Variants in CSMD1 observed in about 807,000 individuals in gnomAD.
CSMD1 encodes CUB and Sushi multiple domains 1.
In CSMD1, 213 loss-of-function variants were observed where a neutral mutation model predicts 417.5. The ratio of observed to expected loss-of-function variants is 0.51; its 90% CI spans 0.46 to 0.57. CSMD1 has a LOEUF of 0.57. CSMD1 is among the 20% of genes least tolerant of loss of function. The probability of loss-of-function intolerance (pLI) is 0.00; values close to 1 mark genes in which losing one functional copy is unlikely to be tolerated. For missense variants in CSMD1, 6,923 were observed against 4,529.7 expected (o/e 1.53, Z -15.17); for synonymous variants, 2,862 against 1,736.8 (o/e 1.65, Z -16.11).
chr8:4,153,990 C>T (rs1322976327), intron 3 of CSMD1, among the ~76,000 whole-genome samples: 1 of 152,246 alleles, frequency 6.6e-6, no homozygotes, highest in East Asian at 1.9e-4. Flanking sequence ...AGGCAGAATC[C>T]AATGATAGCT....
chr8:3,208,410 G>C (rs1368758742), intron 30 of CSMD1, among the ~76,000 whole-genome samples: 1 of 152,046 alleles, frequency 6.6e-6, no homozygotes, highest in Non-Finnish European at 1.5e-5. Context: ...GGGACTACAG[G>C]TGCACACCAC....
chr8:4,098,268 T>C (rs1437109002), intron 3 of CSMD1, among the ~76,000 whole-genome samples: 3 of 152,182 alleles, frequency 2.0e-5, no homozygotes, highest in East Asian at 1.9e-4. Flanking sequence ...TCAGATGTAA[T>C]GGCATCAGAA....
chr8:4,421,821 G>C (rs1037231589), intron 2 of CSMD1, among the ~76,000 whole-genome samples: 2 of 151,298 alleles, frequency 1.3e-5, no homozygotes, highest in African/African-American at 2.4e-5. Context: ...CAAAAAACAA[G>C]AAAAGTACAG....
At chr8:4,076,266 G>A (rs1179307665) in intron 3 of CSMD1, among the ~76,000 whole-genome samples, 2 of 152,170 alleles carry the variant, frequency 1.3e-5, no homozygotes, top group Admixed American at 1.3e-4. Context: ...ACTATGTGAA[G>A]AAGAATATGT....
intron 1 of CSMD1, among the ~76,000 whole-genome samples, chr8:4,723,922 C>T (rs997724680): frequency 2.0e-5 from 3 of 151,920 alleles, no homozygotes; most frequent in African/African-American, 7.3e-5. Flanking sequence ...CAGATCTCTT[C>T]AAAACATACT....
chr8:4,069,741 G>C (rs376802332), intron 3 of CSMD1, among the ~76,000 whole-genome samples: 6 of 152,198 alleles, frequency 3.9e-5, no homozygotes, highest in African/African-American at 1.2e-4. Context: ...TTGAGTTTAG[G>C]AATGCTGTCT....
Position 2,975,877 on chromosome 8 carries a change from A to G in CSMD1, c.8567-1253T>C, listed in dbSNP as rs537798019. Among the ~76,000 whole-genome samples, 5 of 152,198 alleles carry G rather than the reference A, an allele frequency of 3.3e-5. No individual in the cohort carries two copies. The South Asian group carries it at 1.0e-3, about 32-fold the overall frequency. ...ACCCCGGAAAAGGAGAGCCAGCTAA[A>G]CCCCAGCTCCTGGAGACTTGAGGAA... On this transcript the variant is annotated intron_variant, in intron 55 of 69. Transcript: ENST00000635120.
chr8:3,361,651 C>CAAAAAAAAAA (rs765648287), intron 20 of CSMD1, among the ~76,000 whole-genome samples: 21 of 79,174 alleles, frequency 2.7e-4, no homozygotes, highest in South Asian at 5.8e-4. Context: ...GATTCCATCT[C>CAAAAAAAAAA]AAAAAAAAAA....
intron 2 of CSMD1, among the ~76,000 whole-genome samples, chr8:4,542,531 T>A (rs1428849443): frequency 6.6e-6 from 1 of 152,210 alleles, no homozygotes; most frequent in Non-Finnish European, 1.5e-5. Flanking sequence ...TGAATGCTGT[T>A]GCAAATTAGA....
chr8:3,861,691 T>TGTTTG (rs1223421715), intron 5 of CSMD1, among the ~76,000 whole-genome samples: 115 of 152,334 alleles, frequency 7.5e-4, no homozygotes, highest in African/African-American at 2.7e-3. Context: ...TAGGGTTTTT[T>TGTTTG]GTTTGGTTTG....
rs1820447186 is a variant in CSMD1, at chr8:3,169,467, A to C, written c.5726-7190T>G. ...TCCACTCATATAAACTATCTCTAGT[A>C]GTCGAAATCATAGAAAAAAAAAAGG... On this transcript the variant is annotated intron_variant, in intron 37 of 69. Transcript: ENST00000635120. Among the ~76,000 whole-genome samples, 4 of 152,176 alleles carry C rather than the reference A, an allele frequency of 2.6e-5. No individual in the cohort carries two copies. In the South Asian group the frequency reaches 8.3e-4, roughly 32 times the overall value.
intron 25 of CSMD1, among the ~76,000 whole-genome samples, chr8:3,307,377 G>C (rs62504427): frequency 0.011 from 1,731 of 151,362 alleles, 34 homozygotes; most frequent in African/African-American, 0.04. Context: ...GCAGTCTCAC[G>C]CAGATCAGAA....
At chr8:3,672,362 G>A (rs79173409) in intron 7 of CSMD1, among the ~76,000 whole-genome samples, 23,385 of 150,710 alleles carry the variant, frequency 0.16, 2,019 homozygotes, top group South Asian at 0.22. Context: ...AGTGTGTGTC[G>A]GCATTTAGAA....
chr8:4,407,544 G>C (rs1026379275), intron 3 of CSMD1, among the ~76,000 whole-genome samples: 5 of 152,084 alleles, frequency 3.3e-5, no homozygotes, highest in African/African-American at 1.2e-4. Flanking sequence ...CAGATATCTT[G>C]TGCTAATTTC....
chr8:3,632,989 C>A (rs996358296), intron 7 of CSMD1, among the ~76,000 whole-genome samples: 3 of 152,320 alleles, frequency 2.0e-5, no homozygotes, highest in Admixed American at 1.3e-4. Context: ...TGGGTGCTCT[C>A]GCACCTGAGA....
At chr8:4,064,421 G>C (rs1205228914) in intron 3 of CSMD1, among the ~76,000 whole-genome samples, 1 of 152,190 alleles carries the variant, frequency 6.6e-6, no homozygotes, top group African/African-American at 2.4e-5. Flanking sequence ...GAATAAGTAA[G>C]CTTCTGCGGG....
At chr8:4,770,665 A>G (rs1325882302) in intron 1 of CSMD1, among the ~76,000 whole-genome samples, 2 of 152,128 alleles carry the variant, frequency 1.3e-5, no homozygotes, top group Non-Finnish European at 2.9e-5. Flanking sequence ...CCAAGCATAT[A>G]TGGTCAGCTA....
intron 16 of CSMD1, among the ~76,000 whole-genome samples, chr8:3,398,296 T>C (rs79270253): frequency 0.018 from 2,694 of 152,322 alleles, 73 homozygotes; most frequent in African/African-American, 0.061. Flanking sequence ...TTAGTATTTT[T>C]TCAAATGATT....
chr8:4,001,271 T>C (rs1402945664), intron 4 of CSMD1, among the ~76,000 whole-genome samples: 5 of 152,122 alleles, frequency 3.3e-5, no homozygotes, highest in Non-Finnish European at 7.3e-5. Context: ...TAAACCTATC[T>C]GACAGGAGTG....
Sources: gnomAD v4.1 joint callset for allele counts (sites outside exome capture counted in the v4.1 genomes callset) on GRCh38, gnomAD v4.1.1 for gene constraint, MANE v1.5 for transcripts, NCBI Gene and HGNC (gene_info 2026-07-23, HGNC 2026-07-21) for gene names.